Variants in GPR158 observed in about 807,000 individuals in gnomAD.
The protein encoded by GPR158 is metabotropic glycine receptor.
Under a neutral mutation model 78.2 loss-of-function variants are expected in GPR158, and 30 were observed. That is an observed-to-expected ratio of 0.38 (90% CI 0.29 to 0.52). GPR158 has a LOEUF of 0.52. GPR158 is among the 20% of genes least tolerant of loss of function. The pLI, the probability that GPR158 is intolerant of heterozygous loss-of-function variation, is 0.83. For missense variants in GPR158, 1,463 were observed against 1,523.5 expected (o/e 0.96, Z 0.66); for synonymous variants, 581 against 591.1 (o/e 0.98, Z 0.25).
intron 1 of GPR158, among the ~76,000 whole-genome samples, chr10:25,178,395 A>T (rs1852569621): frequency 6.6e-6 from 1 of 152,188 alleles, no homozygotes; most frequent in African/African-American, 2.4e-5. Flanking sequence ...GGAACTGAGG[A>T]TGAAAACCAT....
At chr10:25,381,337 G>C (rs550138542) in intron 2 of GPR158, among the ~76,000 whole-genome samples, 1 of 151,572 alleles carries the variant, frequency 6.6e-6, no homozygotes, top group African/African-American at 2.4e-5. Flanking sequence ...TGATGAGGGA[G>C]GTAAGTAAAT....
At chr10:25,413,455 T>C (rs1834619687) in intron 4 of GPR158, among the ~76,000 whole-genome samples, 1 of 152,208 alleles carries the variant, frequency 6.6e-6, no homozygotes, top group Non-Finnish European at 1.5e-5. Context: ...CAATTAGTTA[T>C]ATGTAGCCAG....
intron 1 of GPR158, among the ~76,000 whole-genome samples, chr10:25,179,775 T>C (rs1276493672): frequency 1.3e-5 from 2 of 152,216 alleles, no homozygotes; most frequent in African/African-American, 2.4e-5. Flanking sequence ...ATCTATGGTA[T>C]GAACACTTGG....
chr10:25,221,115 C>G lies in GPR158; in HGVS notation c.966C>G (p.Gly322=). 1 of 1,603,498 alleles carries G rather than the reference C, an allele frequency of 6.2e-7. No individual in the cohort carries two copies. The highest frequency in any genetic ancestry group is 8.5e-7 in the Non-Finnish European group (1 of 1,171,288). The change falls in exon 2 of 11, where the codon GGC becomes GGG. Residue 322 remains glycine (G), a synonymous_variant. Coordinates refer to ENST00000376351, the MANE Select transcript of GPR158 (RefSeq NM_020752.3). ...ACATTGACCAATGCTCAAGTGATGGCTGGTTTTCAGGAACTCATAAATGCC... is the reference window on the plus strand; with the variant it reads ...ACATTGACCAATGCTCAAGTGATGGGTGGTTTTCAGGAACTCATAAATGCC... The part of the protein sequence containing the change: ...KVDIDQCSSD[G]WFSGTHKCHL...
chr10:25,239,497 A>G (rs557992429), intron 2 of GPR158, among the ~76,000 whole-genome samples: 1 of 152,060 alleles, frequency 6.6e-6, no homozygotes, highest in Admixed American at 6.6e-5. Flanking sequence ...AATCCCAGAT[A>G]CTTGGGAGGC....
intron 3 of GPR158, among the ~76,000 whole-genome samples, chr10:25,407,582 T>G (rs1268108325): frequency 6.6e-6 from 1 of 152,200 alleles, no homozygotes; most frequent in East Asian, 1.9e-4. Context: ...TTCCAAAGCC[T>G]TCTCCACATA....
chr10:25,509,274 A>T (rs1456602439), intron 5 of GPR158, among the ~76,000 whole-genome samples: 1 of 152,196 alleles, frequency 6.6e-6, no homozygotes, highest in African/African-American at 2.4e-5. Flanking sequence ...CCTCTGGGGC[A>T]ATATATAGAG....
At chr10:25,291,724 A>G (rs528941068) in intron 2 of GPR158, among the ~76,000 whole-genome samples, 2 of 152,228 alleles carry the variant, frequency 1.3e-5, no homozygotes, top group South Asian at 2.1e-4. Context: ...AACATCTTTA[A>G]TCATAAATGA....
At chr10:25,367,348 TCTTGA>T (rs758805624) in intron 2 of GPR158, among the ~76,000 whole-genome samples, 9 of 151,800 alleles carry the variant, frequency 5.9e-5, no homozygotes, top group Non-Finnish European at 2.9e-5. Context: ...GTGCAATTTT[TCTTGA>T]CTTATGTCAA....
At position 25,516,726 on chromosome 10, in the gene GPR158, C is replaced by T. The variant is rs1447659827; in HGVS notation, c.1405-34250C>T. On this transcript the variant is annotated intron_variant, in intron 5 of 10. Coordinates refer to ENST00000376351, the MANE Select transcript of GPR158 (RefSeq NM_020752.3). ...GAGGGCTCTGTTCTGTTCCATTGATCTATATCTCTGTTTTGGTACCAGTAC... is the reference window on the plus strand; with the variant it reads ...GAGGGCTCTGTTCTGTTCCATTGATTTATATCTCTGTTTTGGTACCAGTAC... 5.7e-5 allele frequency among the ~76,000 whole-genome samples: 6 copies of T among 104,666 alleles called. No homozygotes were observed. In the East Asian group the frequency reaches 1.1e-3, roughly 18 times the overall value. The allele number at this position is 104,666 out of a possible 152,430, so 68.7% of individuals were successfully genotyped here. A position where few individuals can be genotyped will look rare whatever the true frequency, so the allele number is the denominator to read the frequency against.
intron 5 of GPR158, among the ~76,000 whole-genome samples, chr10:25,542,892 T>C (rs1439034117): frequency 6.6e-6 from 1 of 151,946 alleles, no homozygotes; most frequent in East Asian, 1.9e-4. Context: ...GTCTCCTTTA[T>C]ATTTCTCTAT....
chr10:25,460,449 C>T (rs1441664333), intron 4 of GPR158, among the ~76,000 whole-genome samples: 2 of 152,164 alleles, frequency 1.3e-5, no homozygotes, highest in African/African-American at 4.8e-5. Context: ...CCCACCTCGG[C>T]CTCCCTAAGT....
chr10:25,276,958 T>G (rs1218113924), intron 2 of GPR158, among the ~76,000 whole-genome samples: 1 of 151,874 alleles, frequency 6.6e-6, no homozygotes, highest in Non-Finnish European at 1.5e-5. Context: ...TTTTTTTTTT[T>G]TTTTTATAAT....
intron 5 of GPR158, among the ~76,000 whole-genome samples, chr10:25,513,596 T>C (rs1410114478): frequency 2.0e-5 from 3 of 152,066 alleles, no homozygotes; most frequent in Non-Finnish European, 4.4e-5. Flanking sequence ...TTCAGTTCTG[T>C]GAGGTGTGAC....
chr10:25,262,550 A>G (rs1853982005), intron 2 of GPR158, among the ~76,000 whole-genome samples: 2 of 152,208 alleles, frequency 1.3e-5, no homozygotes, highest in South Asian at 2.1e-4. Context: ...TTGTTTTACA[A>G]TTTTGCAAAA....
chr10:25,541,972 T>C (rs917750118), intron 5 of GPR158, among the ~76,000 whole-genome samples: 7 of 147,628 alleles, frequency 4.7e-5, no homozygotes, highest in Admixed American at 1.4e-4. Context: ...TTATATATTA[T>C]AATTATAAAT....
chr10:25,407,173 T>G (rs1834526004), intron 3 of GPR158, among the ~76,000 whole-genome samples: 2 of 152,200 alleles, frequency 1.3e-5, no homozygotes, highest in African/African-American at 4.8e-5. Context: ...GGGACCAAGA[T>G]GAAAATACCA....
chr10:25,396,567 G>A (rs1025248344), intron 3 of GPR158, among the ~76,000 whole-genome samples: 1 of 152,020 alleles, frequency 6.6e-6, no homozygotes, highest in Admixed American at 6.6e-5. Context: ...GGGTGGCTGA[G>A]GTGGGAGGAT....
chr10:25,574,172 A>C (rs920088473), intron 7 of GPR158, among the ~76,000 whole-genome samples: 7 of 134,588 alleles, frequency 5.2e-5, no homozygotes, highest in South Asian at 2.5e-4. Context: ...AAAAAAAAAA[A>C]CCTCAAAATA....
Sources: allele counts gnomAD v4.1 joint callset (sites outside exome capture counted in the v4.1 genomes callset), GRCh38; gene constraint gnomAD v4.1.1; transcripts MANE v1.5; gene names NCBI Gene and HGNC (gene_info 2026-07-23, HGNC 2026-07-21).